CDC123: variants seen among roughly 807,000 people sequenced by gnomAD.
CDC123 encodes cell division cycle 123.
In CDC123, 37 loss-of-function variants were observed where a neutral mutation model predicts 54.4. That is an observed-to-expected ratio of 0.68 (90% confidence interval 0.52 to 0.89). The LOEUF is 0.89. Among genes scored for constraint, CDC123 ranks in the 40% least tolerant of loss-of-function variants. The pLI is 0.00. For synonymous variants in CDC123, 144 were observed against 136.8 expected (o/e 1.05, Z -0.37); for missense variants, 361 against 412.1 (o/e 0.88, Z 1.07).
chr10:12,210,341 C>T lies in CDC123; in HGVS notation c.237+19C>T. 1 of 1,614,034 alleles carries T rather than the reference C, an allele frequency of 6.2e-7. No homozygotes were observed. Among genetic ancestry groups the T allele is most frequent in the African/African-American group, 1.3e-5 (1 of 75,030 alleles). ...GCTTACGGTAAGAGCACAGCAGACT[C>T]AGCGTGGGGACAGCCTCACACTGTC... On this transcript the variant is annotated intron_variant, in intron 4 of 12. Coordinates refer to ENST00000281141, the MANE Select transcript of CDC123 (RefSeq NM_006023.3).
intron 10 of CDC123, among the ~76,000 whole-genome samples, chr10:12,241,412 C>T (rs948403410): frequency 2.6e-5 from 4 of 152,022 alleles, no homozygotes; most frequent in African/African-American, 9.7e-5. Flanking sequence ...TGGTTTTTGT[C>T]CAGTTCTTTT....
At chr10:12,201,989 G>A (rs1835446391) in intron 2 of CDC123, among the ~76,000 whole-genome samples, 1 of 152,148 alleles carries the variant, frequency 6.6e-6, no homozygotes, top group Non-Finnish European at 1.5e-5. Flanking sequence ...AATGAAGATG[G>A]TCATTTGCTC....
intron 2 of CDC123, among the ~76,000 whole-genome samples, chr10:12,199,895 T>C (rs1835416030): frequency 6.6e-6 from 1 of 152,038 alleles, no homozygotes; most frequent in Non-Finnish European, 1.5e-5. Context: ...TGATCTCAGC[T>C]CACTTCAAGG....
At chr10:12,235,797 C>G (rs1414609042) in intron 8 of CDC123, among the ~76,000 whole-genome samples, 1 of 152,128 alleles carries the variant, frequency 6.6e-6, no homozygotes, top group African/African-American at 2.4e-5. Context: ...TTGGGGTGTT[C>G]ACATTTCTCA....
intron 6 of CDC123, among the ~76,000 whole-genome samples, chr10:12,229,160 C>G (rs1835866601): frequency 6.6e-6 from 1 of 152,228 alleles, no homozygotes; most frequent in Non-Finnish European, 1.5e-5. Flanking sequence ...CTCTGCCTCC[C>G]AGGTTGCTGC....
chr10:12,214,400 G>A lies in CDC123; in HGVS notation c.238-1340G>A, dbSNP rs547819142. Among the ~76,000 whole-genome samples, 32 of 152,262 alleles carry A rather than the reference G, an allele frequency of 2.1e-4. 1 individual carries two copies. Among genetic ancestry groups the A allele is most frequent in the Admixed American group, 1.9e-3 (29 of 15,292 alleles). ...CATAAATCATAATTGCTTTGGATGG[G>A]GAGAGATGAATGGAAAATAAAGGAC... On this transcript the variant is annotated intron_variant, in intron 4 of 12. Coordinates refer to ENST00000281141, the MANE Select transcript of CDC123 (RefSeq NM_006023.3).
At chr10:12,236,496 GACTGAGGTGGGAGGGTC>G (rs1268873199) in intron 8 of CDC123, among the ~76,000 whole-genome samples, 4 of 152,056 alleles carry the variant, frequency 2.6e-5, no homozygotes, top group Non-Finnish European at 5.9e-5. Flanking sequence ...CTACTCGGGA[GACTGAGGTGGGAGGGTC>G]ACTTGAGCTC....
At chr10:12,216,573 T>C (rs1470350137) in intron 5 of CDC123, among the ~76,000 whole-genome samples, 1 of 152,242 alleles carries the variant, frequency 6.6e-6, no homozygotes, top group Non-Finnish European at 1.5e-5. Flanking sequence ...CAGCAGGTCT[T>C]GACACCTATT....
At chr10:12,226,715 G>A (rs1302678213) in intron 6 of CDC123, among the ~76,000 whole-genome samples, 1 of 150,376 alleles carries the variant, frequency 6.6e-6, no homozygotes, top group East Asian at 2.0e-4. Flanking sequence ...GGGCAGAGAC[G>A]CTCCCCATTT....
intron 2 of CDC123, among the ~76,000 whole-genome samples, chr10:12,199,856 T>C (rs1033236009): frequency 2.0e-5 from 3 of 152,142 alleles, no homozygotes; most frequent in African/African-American, 7.2e-5. Context: ...AGAGTCTCGC[T>C]CTGTCACCCA....
At position 12,230,795 on chromosome 10, in the gene CDC123, CG is replaced by C. The variant is rs550131438; in HGVS notation, c.441-151del. On this transcript the variant is annotated intron_variant, in intron 6 of 12. Transcript: ENST00000281141. ...CTAGGCTAATGCAAAGCATTGAATACGGCTCAGTAAGTGTTCGTCGAATTTG... is the reference window on the plus strand; with the variant it reads ...CTAGGCTAATGCAAAGCATTGAATACGCTCAGTAAGTGTTCGTCGAATTTG... Among the ~76,000 whole-genome samples the C allele has an allele frequency of 4.4e-3, 676 of 152,280 alleles. 3 individuals are homozygous for C. Among genetic ancestry groups the C allele is most frequent in the Non-Finnish European group, 8.0e-3 (541 of 68,016 alleles).
chr10:12,196,796 T>A (rs1835357754), intron 1 of CDC123, among the ~76,000 whole-genome samples: 1 of 151,920 alleles, frequency 6.6e-6, no homozygotes, highest in Non-Finnish European at 1.5e-5. Context: ...AAACGGAGAG[T>A]GGATGTTAGT....
chr10:12,243,213 A>T (rs1459654223), intron 10 of CDC123, among the ~76,000 whole-genome samples: 1 of 151,674 alleles, frequency 6.6e-6, no homozygotes, highest in Non-Finnish European at 1.5e-5. Context: ...AGCCTGACCA[A>T]CATGGTGACA....
chr10:12,210,185 AG>A, intron 3 of CDC123, 104 bp from the exon 4 acceptor site: 1 of 1,476,534 alleles, frequency 6.8e-7, no homozygotes, highest in Non-Finnish European at 9.2e-7. Flanking sequence ...ATTCCGGAAA[AG>A]ATGTCTCCTG....
chr10:12,206,215 T>G (rs1229349871), intron 2 of CDC123, among the ~76,000 whole-genome samples: 1 of 152,272 alleles, frequency 6.6e-6, no homozygotes, highest in Non-Finnish European at 1.5e-5. Context: ...ATAACAAGTA[T>G]GTTTTTTAAA....
chr10:12,215,896 A>C, intron 5 of CDC123, 61 bp downstream of exon 5: 2 of 1,074,810 alleles, frequency 1.9e-6, no homozygotes, highest in Non-Finnish European at 2.8e-6. Flanking sequence ...TGTTTATTTC[A>C]TTTCATATCC....
chr10:12,219,852 AT>A (rs759214059), intron 6 of CDC123, among the ~76,000 whole-genome samples: 2 of 151,380 alleles, frequency 1.3e-5, no homozygotes, highest in African/African-American at 2.4e-5. Context: ...CGCCCAGCTA[AT>A]TTTTTTTTGT....
intron 6 of CDC123, among the ~76,000 whole-genome samples, chr10:12,230,657 A>G (rs111541404): frequency 0.035 from 5,381 of 151,912 alleles, 119 homozygotes; most frequent in Non-Finnish European, 0.037. Flanking sequence ...TGTTGACTGT[A>G]GTCACCCTGT....
chr10:12,235,675 A>T (rs1218373140), intron 8 of CDC123, among the ~76,000 whole-genome samples: 1 of 152,188 alleles, frequency 6.6e-6, no homozygotes, highest in Non-Finnish European at 1.5e-5. Context: ...CATATTTTCC[A>T]TGAAGTAAAA....
Sources: gnomAD v4.1 joint callset for allele counts (sites outside exome capture counted in the v4.1 genomes callset) on GRCh38, gnomAD v4.1.1 for gene constraint, MANE v1.5 for transcripts, NCBI Gene and HGNC (gene_info 2026-07-23, HGNC 2026-07-21) for gene names.